GREB1L: variants seen among roughly 807,000 people sequenced by gnomAD.
The protein encoded by GREB1L is GREB1 like retinoic acid receptor coactivator.
GREB1L carries 17 observed loss-of-function variants against 200.8 expected under a neutral mutation model. The observed-to-expected ratio is 0.08, with a 90% CI of 0.06 to 0.13. The LOEUF (loss-of-function observed/expected upper bound fraction) is 0.13. GREB1L is among the 10% of genes least tolerant of loss of function. GREB1L has a pLI of 1.00. For synonymous variants in GREB1L, 789 were observed against 893.0 expected, an observed-to-expected ratio of 0.88 and a Z score of 2.08; for missense variants, 1,657 against 2,367.7, an observed-to-expected ratio of 0.70 and a Z score of 6.23.
At chr18:21,503,509 A>AT (rs2036885515) in intron 23 of GREB1L, among the ~76,000 whole-genome samples, 2 of 143,764 alleles carry the variant, frequency 1.4e-5, no homozygotes, top group Admixed American at 1.4e-4. Flanking sequence ...CCTGGCCACT[A>AT]ATAAAAAATA....
chr18:21,252,859 C>T (rs2037735058), intron 1 of GREB1L, among the ~76,000 whole-genome samples: 1 of 152,070 alleles, frequency 6.6e-6, no homozygotes, highest in African/African-American at 2.4e-5. Flanking sequence ...ACTGTCCCTC[C>T]CCACCCCCCA....
In GREB1L at chr18:21,485,729, A is replaced by G; in HGVS notation, c.2666A>G (p.Lys889Arg). 6.4e-7 allele frequency: 1 copy of G among 1,551,634 alleles called. No individual in the cohort carries two copies. Among genetic ancestry groups the G allele is most frequent in the South Asian group, 1.2e-5 (1 of 84,062 alleles). Residue 889 changes from lysine (K) to arginine (R), a missense_variant, in exon 18 of 33, where the codon AAA (lysine) becomes AGA (arginine). Coordinates refer to ENST00000424526, the MANE Select transcript of GREB1L (RefSeq NM_001142966.3). ...CTGAGATGTGACGAGACTTTTGAAA[A>G]AATGGTGAACACACTCTTGGAGAGG... ...PLLRCDETFE[K>R]MVNTLLERYP...
At chr18:21,458,175 C>T (rs1278097742) in intron 15 of GREB1L, among the ~76,000 whole-genome samples, 3 of 151,868 alleles carry the variant, frequency 2.0e-5, no homozygotes, top group East Asian at 1.9e-4. Flanking sequence ...TTCTCCATGT[C>T]GGTCAGGCTG....
intron 21 of GREB1L, among the ~76,000 whole-genome samples, chr18:21,497,814 C>A (rs866541160): frequency 1.2e-4 from 15 of 122,748 alleles, no homozygotes; most frequent in Middle Eastern, 8.3e-3. Flanking sequence ...CCTCACCACC[C>A]CCCCCCCTTT....
At chr18:21,283,964 T>C (rs1220182374) in intron 1 of GREB1L, among the ~76,000 whole-genome samples, 1 of 152,138 alleles carries the variant, frequency 6.6e-6, no homozygotes, top group Non-Finnish European at 1.5e-5. Flanking sequence ...TTTTCAAAGG[T>C]TGTAAAACTT....
At position 21,495,650 on chromosome 18, in the gene GREB1L, A is replaced by G. The variant is rs1467074881; in HGVS notation, c.3031-20A>G. Reference sequence around the variant, plus strand: ...CTTAAATGAGAGTTTTAATTTTAACATACGGGTCTCTTTCTGTAGAGTTGG... The same window carrying G: ...CTTAAATGAGAGTTTTAATTTTAACGTACGGGTCTCTTTCTGTAGAGTTGG... On this transcript the variant is annotated intron_variant, in intron 19 of 32. Transcript: ENST00000424526. 1 of 1,267,956 alleles carries G rather than the reference A, an allele frequency of 7.9e-7. No homozygotes were observed. Among genetic ancestry groups the G allele is most frequent in the East Asian group, 2.5e-5 (1 of 39,570 alleles). 78.5% of individuals were successfully genotyped at this position (1,267,956 alleles called of 1,614,324 possible). A position where few individuals can be genotyped will look rare whatever the true frequency, so the allele number is the denominator to read the frequency against.
At position 21,449,846 on chromosome 18, in the gene GREB1L, T is replaced by C. The variant is rs1252553515; in HGVS notation, c.1720+10T>C. 3 of 1,477,330 alleles carry C rather than the reference T, an allele frequency of 2.0e-6. No homozygotes were observed. Among genetic ancestry groups the C allele is most frequent in the Non-Finnish European group, 2.7e-6 (3 of 1,109,986 alleles). The allele number at this position is 1,477,330 out of a possible 1,614,324, so 91.5% of individuals were successfully genotyped here. On this transcript the variant is annotated intron_variant, in intron 12 of 32. Coordinates refer to ENST00000424526, the MANE Select transcript of GREB1L (RefSeq NM_001142966.3). Reference sequence around the variant, plus strand: ...TGTGTGGTAGTGTTAGGTGAGTAATTTTTTTGTTTTTTGTTTGTTTAATCA... The same window carrying C: ...TGTGTGGTAGTGTTAGGTGAGTAATCTTTTTGTTTTTTGTTTGTTTAATCA...
In GREB1L at chr18:21,500,646, A is replaced by G. The variant is rs1440944232; in HGVS notation, c.4072+4A>G. 1 of 1,531,736 alleles carries G rather than the reference A, an allele frequency of 6.5e-7. No individual in the cohort carries two copies. Among genetic ancestry groups the G allele is most frequent in the East Asian group, 2.4e-5 (1 of 40,836 alleles). 94.9% of individuals were successfully genotyped at this position (1,531,736 alleles called of 1,614,324 possible). On this transcript the variant is annotated splice_donor_region_variant and intron_variant, in intron 23 of 32. Transcript: ENST00000424526. ...GATGAGGAGGAGATCAACACCGGTG[A>G]GTGCTGAGCCCAGGGAGTGGGCAGA...
intron 31 of GREB1L, among the ~76,000 whole-genome samples, chr18:21,519,787 C>G (rs562722603): frequency 8.5e-5 from 13 of 152,266 alleles, no homozygotes; most frequent in African/African-American, 3.1e-4. Flanking sequence ...TATTTGAACC[C>G]AAGCAGACTG....
Position 21,496,482 on chromosome 18 carries a change from A to T in GREB1L, c.3175A>T (p.Ile1059Phe). ...RSLKYCDLRL[I>F]DSSYLTRTAL... ...TTTGAAGTACTGTGACCTCCGGTTA[A>T]TTGACTCAAGCTATTTAACTCGCAC... is the stretch of plus-strand genomic sequence containing the variant. Residue 1059 changes from isoleucine (I) to phenylalanine (F), a missense_variant, in exon 21 of 33, where the codon ATT (isoleucine) becomes TTT (phenylalanine). Around this residue, in one of 9 missense-constraint regions of GREB1L, gnomAD observed 512 missense variants for 668.3 expected, o/e 0.77. Coordinates refer to ENST00000424526, the MANE Select transcript of GREB1L (RefSeq NM_001142966.3). The T allele has an allele frequency of 2.6e-6, 4 of 1,551,738 alleles. No individual in the cohort carries two copies. The highest frequency in any genetic ancestry group is 3.5e-6 in the Non-Finnish European group (4 of 1,147,010).
At chr18:21,251,145 T>C (rs2037696244) in intron 1 of GREB1L, among the ~76,000 whole-genome samples, 1 of 152,094 alleles carries the variant, frequency 6.6e-6, no homozygotes, top group South Asian at 2.1e-4. Context: ...GTAATGAGGC[T>C]CTATCTCTAA....
chr18:21,316,784 G>A lies in GREB1L; in HGVS notation c.-119-49243G>A, dbSNP rs1325292669. The stretch of plus-strand genomic sequence containing the variant: ...CTTTTTTTTTTTTTTTTTTTTTTGA[G>A]ACGGAGTCTTGGTCTGTCGCCCAGG... On this transcript the variant is annotated intron_variant, in intron 1 of 32. Transcript: ENST00000424526. 21 of 114,448 alleles carry A rather than the reference G, an allele frequency of 1.8e-4. No individual in the cohort carries two copies. The Admixed American group carries it at 2.2e-3, about 12-fold the overall frequency. 7.1% of individuals were successfully genotyped at this position (114,448 alleles called of 1,614,324 possible).
rs145912260 is a variant in GREB1L at position 21,333,083 on chromosome 18, T to TAC, written c.-119-32935_-119-32934dup. Among the ~76,000 whole-genome samples, 486 of 151,946 alleles carry TAC rather than the reference T, an allele frequency of 3.2e-3. 7 individuals carry two copies. Among genetic ancestry groups the TAC allele is most frequent in the African/African-American group, 0.011 (459 of 41,438 alleles). On this transcript the variant is annotated intron_variant, in intron 1 of 32. Coordinates refer to ENST00000424526, the MANE Select transcript of GREB1L (RefSeq NM_001142966.3). ...CTGGGTGACAGAGACCCTATGTTAA[T>TAC]ACACACACACGCGCGCGCGCGCGCG... is the stretch of plus-strand genomic sequence containing the variant.
intron 7 of GREB1L, among the ~76,000 whole-genome samples, chr18:21,432,918 G>T (rs755426055): frequency 1.4e-4 from 21 of 151,726 alleles, no homozygotes; most frequent in Non-Finnish European, 2.4e-4. Context: ...TGTTGGCCAG[G>T]CTGGTCTTGA....
At chr18:21,503,995 G>A (rs534081692) in intron 23 of GREB1L, among the ~76,000 whole-genome samples, 2 of 152,200 alleles carry the variant, frequency 1.3e-5, no homozygotes, top group Admixed American at 1.3e-4. Context: ...AGGCTGGAGT[G>A]CAGTGGCACG....
intron 1 of GREB1L, among the ~76,000 whole-genome samples, chr18:21,360,517 C>T (rs2039567351): frequency 6.6e-6 from 1 of 152,216 alleles, no homozygotes; most frequent in African/African-American, 2.4e-5. Context: ...CGAGCCACTG[C>T]ACCCGGTGAC....
At position 21,383,794 on chromosome 18, in the gene GREB1L, C is replaced by T. The variant is rs535808069; in HGVS notation, c.157+119C>T. 4.6e-4 allele frequency: 439 copies of T among 960,212 alleles called. 3 individuals carry two copies. The African/African-American group carries it at 6.2e-3, about 14-fold the overall frequency. 59.5% of individuals were successfully genotyped at this position (960,212 alleles called of 1,614,324 possible). ...GTGGCGTGATCTCGGCTCACTGCAA[C>T]GTCTGCCTCCTGGGTTCAAGCAATT... On this transcript the variant is annotated intron_variant, in intron 3 of 32. Transcript: ENST00000424526.
Position 21,341,474 on chromosome 18 carries a change from G to A in GREB1L, c.-119-24553G>A, listed in dbSNP as rs545502786. ...GTGCTCACTGCAGCCTGGGCACAAG[G>A]CATCTTTCCACCTCAGCTTCCAGGG... On this transcript the variant is annotated intron_variant, in intron 1 of 32. Transcript: ENST00000424526. 2.1e-3 allele frequency among the ~76,000 whole-genome samples: 317 copies of A among 152,280 alleles called. 1 individual carries two copies. The highest frequency in any genetic ancestry group is 3.5e-3 in the Non-Finnish European group (237 of 68,014).
chr18:21,390,513 AAAG>A (rs1225945543), intron 4 of GREB1L, among the ~76,000 whole-genome samples: 2 of 152,076 alleles, frequency 1.3e-5, no homozygotes, highest in African/African-American at 2.4e-5. Flanking sequence ...TTTTAACAAA[AAAG>A]TTTGTTTGTT....
Sources: allele counts gnomAD v4.1 joint callset (sites outside exome capture counted in the v4.1 genomes callset), GRCh38; gene constraint gnomAD v4.1.1; regional missense constraint gnomAD v4.1.1; transcripts MANE v1.5; gene names NCBI Gene and HGNC (gene_info 2026-07-23, HGNC 2026-07-21).